Variants in HYCC2 observed in about 807,000 individuals in gnomAD.
The protein encoded by HYCC2 is hyccin 2.
the HYCC2 span, chr2:200,976,896 A>G: frequency 1.3e-5 from 2 of 152,204 alleles, no homozygotes; most frequent in African/African-American, 4.8e-5. Flanking sequence ...GCAATACTCT[A>G]TTGTGCAATA....
the HYCC2 span, among the ~76,000 whole-genome samples, chr2:201,026,655 GA>G: frequency 6.6e-6 from 1 of 152,324 alleles, no homozygotes; most frequent in East Asian, 1.9e-4. Flanking sequence ...TCAGGATTAA[GA>G]AACTCACTCA....
chr2:201,017,430 G>C, the HYCC2 span, among the ~76,000 whole-genome samples: 1 of 151,778 alleles, frequency 6.6e-6, no homozygotes, highest in Non-Finnish European at 1.5e-5. Context: ...TAGATTATTA[G>C]TCCTTTAGCC....
chr2:201,054,100 G>A, the HYCC2 span, among the ~76,000 whole-genome samples: 1 of 152,210 alleles, frequency 6.6e-6, no homozygotes, highest in African/African-American at 2.4e-5. Flanking sequence ...TCATATTTAT[G>A]CAAAGGGATG....
At chr2:201,016,169 C>T in the HYCC2 span, among the ~76,000 whole-genome samples, 1 of 151,894 alleles carries the variant, frequency 6.6e-6, no homozygotes, top group Non-Finnish European at 1.5e-5. Flanking sequence ...ATTAATAATA[C>T]AATCAATTAT....
chr2:200,992,426 T>G, the HYCC2 span: 1 of 1,155,394 alleles, frequency 8.7e-7, no homozygotes, highest in Non-Finnish European at 1.3e-6. Context: ...CAGCACAACT[T>G]TTTAAATTGT....
At chr2:200,995,284 G>A in the HYCC2 span, among the ~76,000 whole-genome samples, 1 of 152,130 alleles carries the variant, frequency 6.6e-6, no homozygotes, top group African/African-American at 2.4e-5. Flanking sequence ...TTATAAGCAG[G>A]ATCTCTTCCC....
At chr2:201,039,947 G>A in the HYCC2 span, among the ~76,000 whole-genome samples, 2 of 152,120 alleles carry the variant, frequency 1.3e-5, no homozygotes, top group Non-Finnish European at 2.9e-5. Context: ...GGCCGAGGTG[G>A]GCAGATCACA....
the HYCC2 span, among the ~76,000 whole-genome samples, chr2:201,007,299 T>C: frequency 6.6e-6 from 1 of 152,196 alleles, no homozygotes; most frequent in African/African-American, 2.4e-5. Flanking sequence ...CTGAACATCA[T>C]AGCATAGTCC....
chr2:200,987,307 C>G, the HYCC2 span: 2 of 1,251,726 alleles, frequency 1.6e-6, no homozygotes, highest in Admixed American at 2.4e-5. Context: ...GGATAGAGAG[C>G]CAGGATCCTT....
At chr2:201,054,011 C>A in the HYCC2 span, among the ~76,000 whole-genome samples, 5 of 152,122 alleles carry the variant, frequency 3.3e-5, no homozygotes, top group African/African-American at 1.2e-4. Flanking sequence ...AACAAAAAAC[C>A]CAGAAAAGAA....
chr2:201,053,938 T>C, the HYCC2 span, among the ~76,000 whole-genome samples: 8 of 152,302 alleles, frequency 5.3e-5, no homozygotes, highest in East Asian at 9.7e-4. Flanking sequence ...TACTTGATCC[T>C]GGATGACAGA....
the HYCC2 span, among the ~76,000 whole-genome samples, chr2:201,047,465 T>TATATATATATATATACAC: frequency 6.7e-6 from 1 of 148,806 alleles, no homozygotes; most frequent in African/African-American, 2.5e-5. Flanking sequence ...TATATATATA[T>TATATATATATATATACAC]ACACACACAC....
At chr2:201,051,019 A>C in the HYCC2 span, among the ~76,000 whole-genome samples, 1 of 152,188 alleles carries the variant, frequency 6.6e-6, no homozygotes, top group East Asian at 1.9e-4. Flanking sequence ...ATCACACACT[A>C]ATTTCTCTTA....
chr2:201,002,354 T>C, the HYCC2 span, among the ~76,000 whole-genome samples: 4 of 150,072 alleles, frequency 2.7e-5, no homozygotes, highest in South Asian at 4.2e-4. Context: ...TGAATAACAA[T>C]GTGACACCAG....
the HYCC2 span, among the ~76,000 whole-genome samples, chr2:200,995,706 C>A: frequency 6.6e-6 from 1 of 152,196 alleles, no homozygotes; most frequent in South Asian, 2.1e-4. Flanking sequence ...GATGAGACTG[C>A]AACTCCAGCT....
chr2:201,006,721 T>C, the HYCC2 span, among the ~76,000 whole-genome samples: 1 of 152,200 alleles, frequency 6.6e-6, no homozygotes, highest in African/African-American at 2.4e-5. Context: ...TGTGCCAGTA[T>C]CTTTGGCTCT....
chr2:201,023,810 C>A, the HYCC2 span: 5,728 of 561,302 alleles, frequency 0.01, 273 homozygotes, highest in African/African-American at 0.099. Context: ...TACAGAAACA[C>A]GTTATTTTGT....
chr2:200,980,509 T>C, the HYCC2 span: 4 of 152,620 alleles, frequency 2.6e-5, no homozygotes, highest in African/African-American at 9.7e-5. Context: ...TGACCTTATA[T>C]GTCCTTGTGG....
At chr2:201,007,035 A>C in the HYCC2 span, among the ~76,000 whole-genome samples, 1 of 152,204 alleles carries the variant, frequency 6.6e-6, no homozygotes, top group Non-Finnish European at 1.5e-5. Context: ...TATTTCTTTA[A>C]ATCTATCTGT....
Sources: allele counts gnomAD v4.1 joint callset (sites outside exome capture counted in the v4.1 genomes callset), GRCh38; gene constraint gnomAD v4.1.1; transcripts MANE v1.5; gene names NCBI Gene and HGNC (gene_info 2026-07-23, HGNC 2026-07-21).